The following CDH4 variants were observed in gnomAD, a reference collection of about 807,000 sequenced individuals.
The protein encoded by CDH4 is cadherin 4.
Under a neutral mutation model 86.0 loss-of-function variants are expected in CDH4, and 33 were observed. That is an observed-to-expected ratio of 0.38 (90% CI 0.29 to 0.51). The LOEUF (loss-of-function observed/expected upper bound fraction) is 0.51. Ranked by LOEUF, CDH4 falls within the 20% of genes least tolerant of loss-of-function variation. The probability of loss-of-function intolerance (pLI) is 0.86; values close to 1 mark genes in which losing one functional copy is unlikely to be tolerated. For synonymous variants in CDH4, 555 were observed against 549.4 expected (o/e 1.01, Z -0.14); for missense variants, 1,114 against 1,307.4 (o/e 0.85, Z 2.28).
chr20:61,893,276 G>A (rs866024483), intron 7 of CDH4, among the ~76,000 whole-genome samples: 143 of 6,456 alleles, frequency 0.022, 1 homozygote, highest in Non-Finnish European at 0.034. Flanking sequence ...ATAGATGGAT[G>A]GGTGGGTAAA....
At chr20:61,469,016 A>G (rs1201503865) in intron 2 of CDH4, among the ~76,000 whole-genome samples, 1 of 152,212 alleles carries the variant, frequency 6.6e-6, no homozygotes, top group Non-Finnish European at 1.5e-5. Context: ...GCTACAAGAA[A>G]CATGGTAGCA....
intron 7 of CDH4, among the ~76,000 whole-genome samples, chr20:61,875,894 G>A (rs1056895934): frequency 6.6e-6 from 1 of 151,976 alleles, no homozygotes; most frequent in East Asian, 1.9e-4. Flanking sequence ...GGGGTCCCCC[G>A]CCTGCCCTGG....
At chr20:61,759,013 GTATA>G (rs530047868) in intron 3 of CDH4, among the ~76,000 whole-genome samples, 4 of 152,232 alleles carry the variant, frequency 2.6e-5, no homozygotes, top group Admixed American at 1.3e-4. Context: ...CCACTTGTGA[GTATA>G]TGTGTGTGCA....
intron 2 of CDH4, among the ~76,000 whole-genome samples, chr20:61,641,275 G>A (rs2145802125): frequency 6.6e-6 from 1 of 152,260 alleles, no homozygotes; most frequent in Non-Finnish European, 1.5e-5. Flanking sequence ...TGTCTGCTCA[G>A]AGGCTTCTAG....
intron 12 of CDH4, 31 bp from the exon 13 acceptor site, chr20:61,929,578 T>C (rs1442132483): frequency 1.3e-6 from 2 of 1,549,266 alleles, no homozygotes; most frequent in Admixed American, 3.3e-5. Context: ...GGCCGGGCTC[T>C]GGTTGAATGT....
At chr20:61,523,475 G>A (rs111780101) in intron 2 of CDH4, among the ~76,000 whole-genome samples, 7 of 152,300 alleles carry the variant, frequency 4.6e-5, no homozygotes, top group South Asian at 4.1e-4. Context: ...TCCCCGCCAC[G>A]TGCTCTTCCA....
In CDH4 at chr20:61,447,111, T is replaced by C. The variant is rs139132740; in HGVS notation, c.169+192174T>C. Among the ~76,000 whole-genome samples, 11 of 152,266 alleles carry C rather than the reference T, an allele frequency of 7.2e-5. No individual in the cohort carries two copies. The East Asian group carries it at 2.1e-3, about 29-fold the overall frequency. ...TGCCTACCATACTCATTATAAATAC[T>C]CTCTGTGATTTTGTCTTTTGGGTTT... On this transcript the variant is annotated intron_variant, in intron 2 of 15. Coordinates refer to ENST00000614565, the MANE Select transcript of CDH4 (RefSeq NM_001794.5).
chr20:61,624,042 C>A (rs1007161116), intron 2 of CDH4, among the ~76,000 whole-genome samples: 4 of 152,172 alleles, frequency 2.6e-5, no homozygotes, highest in African/African-American at 9.7e-5. Context: ...TTTTCTCGCT[C>A]CCTGTCTTTT....
intron 2 of CDH4, among the ~76,000 whole-genome samples, chr20:61,319,255 G>A (rs2084494960): frequency 1.3e-5 from 2 of 151,900 alleles, no homozygotes; most frequent in Admixed American, 1.3e-4. Flanking sequence ...TTTACAGGTG[G>A]GGAAACTGAG....
intron 2 of CDH4, among the ~76,000 whole-genome samples, chr20:61,546,124 G>C (rs1337621876): frequency 6.9e-6 from 1 of 145,514 alleles, no homozygotes; most frequent in East Asian, 2.1e-4. Context: ...GTGTGTGGGG[G>C]TATGTGGGAT....
chr20:61,589,409 G>A (rs1568700319), intron 2 of CDH4, among the ~76,000 whole-genome samples: 2 of 152,176 alleles, frequency 1.3e-5, no homozygotes, highest in African/African-American at 2.4e-5. Flanking sequence ...GGTAATGATC[G>A]AGCTGGCTTT....
intron 2 of CDH4, among the ~76,000 whole-genome samples, chr20:61,423,166 C>T (rs1167611162): frequency 6.6e-6 from 1 of 152,118 alleles, no homozygotes; most frequent in Admixed American, 6.5e-5. Flanking sequence ...AGCAAGGACC[C>T]CCAGACCCAC....
chr20:61,862,907 T>C (rs1452402131), intron 6 of CDH4, among the ~76,000 whole-genome samples: 5 of 152,180 alleles, frequency 3.3e-5, no homozygotes, highest in African/African-American at 1.2e-4. Context: ...CACCGAGTTT[T>C]TGCTTAAACA....
intron 2 of CDH4, among the ~76,000 whole-genome samples, chr20:61,264,854 C>A (rs1210033460): frequency 1.4e-5 from 2 of 141,970 alleles, no homozygotes; most frequent in African/African-American, 5.4e-5. Flanking sequence ...CCTACACATA[C>A]CCCAGTGGCT....
intron 2 of CDH4, among the ~76,000 whole-genome samples, chr20:61,267,319 G>A (rs2084162489): frequency 1.3e-5 from 2 of 152,206 alleles, no homozygotes; most frequent in East Asian, 1.9e-4. Context: ...CGATCTTTGC[G>A]AAAGCATCAG....
chr20:61,712,200 T>C (rs769916069), intron 2 of CDH4, among the ~76,000 whole-genome samples: 75 of 152,260 alleles, frequency 4.9e-4, no homozygotes, highest in Non-Finnish European at 9.0e-4. Flanking sequence ...CCAAGTAAGC[T>C]GTGTCCAGAC....
At chr20:61,735,297 C>T (rs953681737) in intron 2 of CDH4, among the ~76,000 whole-genome samples, 1 of 152,206 alleles carries the variant, frequency 6.6e-6, no homozygotes, top group African/African-American at 2.4e-5. Context: ...GTAAAATTCA[C>T]ATAACGTAAA....
intron 2 of CDH4, among the ~76,000 whole-genome samples, chr20:61,583,800 C>T (rs563644220): frequency 1.1e-3 from 173 of 152,344 alleles, no homozygotes; most frequent in African/African-American, 4.0e-3. Flanking sequence ...GTGTGGACAG[C>T]GTGTCGCTGG....
At chr20:61,442,670 C>CGATCAGT (rs1248122104) in intron 2 of CDH4, among the ~76,000 whole-genome samples, 2 of 152,212 alleles carry the variant, frequency 1.3e-5, no homozygotes, top group African/African-American at 4.8e-5. Context: ...GCCTCATCCA[C>CGATCAGT]GATCAGTGAC....
Sources: allele counts gnomAD v4.1 joint callset (sites outside exome capture counted in the v4.1 genomes callset), GRCh38; gene constraint gnomAD v4.1.1; transcripts MANE v1.5; gene names NCBI Gene and HGNC (gene_info 2026-07-23, HGNC 2026-07-21).